The following ACSS3 variants were observed in gnomAD, a reference collection of about 807,000 sequenced individuals.
ACSS3 encodes the protein acyl-CoA synthetase short chain family member 3, also known as acyl-CoA synthetase short-chain family member 3, mitochondrial.
Under a neutral mutation model 84.2 loss-of-function variants are expected in ACSS3, and 64 were observed. The ratio of observed to expected loss-of-function variants is 0.76; its 90% CI spans 0.62 to 0.94. The LOEUF (loss-of-function observed/expected upper bound fraction) is 0.94, where lower values mean the gene tolerates loss of function less well. ACSS3 is among the 40% of genes least tolerant of loss of function. The pLI is 0.00. For missense variants in ACSS3, 815 were observed against 867.6 expected (o/e 0.94, Z 0.76); for synonymous variants, 317 against 310.1 (o/e 1.02, Z -0.23).
rs753676729 is a variant in ACSS3 at position 81,231,044 on chromosome 12, G to C, written c.1515-13G>C. On this transcript the variant is annotated splice_polypyrimidine_tract_variant and intron_variant, in intron 11 of 15. Transcript: ENST00000548058. The stretch of plus-strand genomic sequence containing the variant: ...CTTTCATCATAATTTTAACTTCTCT[G>C]TTTTTATATAAGGTTACCATTGCCA... The C allele has an allele frequency of 1.9e-6, 3 of 1,598,168 alleles. No individual in the cohort carries two copies. Among genetic ancestry groups the C allele is most frequent in the Admixed American group, 3.4e-5 (2 of 58,558 alleles).
intron 7 of ACSS3, among the ~76,000 whole-genome samples, chr12:81,162,364 C>G (rs990620048): frequency 5.9e-5 from 9 of 152,080 alleles, no homozygotes; most frequent in African/African-American, 2.2e-4. Flanking sequence ...TTCCTATTGG[C>G]AGGCAAGTCA....
In ACSS3 at chr12:81,253,497, A is replaced by G; in HGVS notation, c.1822A>G (p.Ile608Val). ...PLALCVLRKD[I>V]NATEEQVLEE... is the part of the protein sequence containing the mutation. ...TACCATCTGAACTTTCTCTCTAGATATAAATGCAACAGAGGAGCAAGTTTT... is the reference window on the plus strand; with the variant it reads ...TACCATCTGAACTTTCTCTCTAGATGTAAATGCAACAGAGGAGCAAGTTTT... The change falls in exon 15 of 16, where the codon ATA becomes GTA. Residue 608 changes from isoleucine to valine, a missense_variant and splice_region_variant. Ile to Val is a conservative substitution (Grantham distance 29). Coordinates refer to ENST00000548058, the MANE Select transcript of ACSS3 (RefSeq NM_024560.4). 1 of 1,613,716 alleles carries G rather than the reference A, an allele frequency of 6.2e-7. No individual in the cohort carries two copies. The highest frequency in any genetic ancestry group is 8.5e-7 in the Non-Finnish European group (1 of 1,179,716).
In ACSS3 at chr12:81,258,240, T is replaced by G. The variant is rs1192495303; in HGVS notation, c.*3318T>G. 2.0e-5 allele frequency: 3 copies of G among 152,152 alleles called. No homozygotes were observed. The South Asian group carries it at 6.2e-4, about 32-fold the overall frequency. The allele number at this position is 152,152 out of a possible 1,614,324, so 9.4% of individuals were successfully genotyped here. ...AGTAAATTGTCGAGCCTTATGTGAC[T>G]AGAAAACAAAGCTTAAACAGAGAAC... On this transcript the variant is annotated 3_prime_UTR_variant, in exon 16 of 16. Coordinates refer to ENST00000548058, the MANE Select transcript of ACSS3 (RefSeq NM_024560.4).
intron 4 of ACSS3, 149 bp downstream of exon 4, chr12:81,139,414 CT>C: frequency 1.1e-6 from 1 of 921,428 alleles, no homozygotes; most frequent in Non-Finnish European, 1.6e-6. Flanking sequence ...ATGAATAAGA[CT>C]TACTGACTTC....
intron 2 of ACSS3, among the ~76,000 whole-genome samples, chr12:81,131,415 T>C (rs1441369862): frequency 6.6e-6 from 1 of 152,172 alleles, no homozygotes; most frequent in Non-Finnish European, 1.5e-5. Context: ...CGCTCATGAT[T>C]TGGCTCTCTG....
intron 7 of ACSS3, among the ~76,000 whole-genome samples, chr12:81,159,283 A>T (rs886272637): frequency 6.6e-6 from 1 of 152,146 alleles, no homozygotes; most frequent in Non-Finnish European, 1.5e-5. Context: ...AAAACACTCA[A>T]ATCAAGAATA....
At position 81,158,080 on chromosome 12, in the gene ACSS3, G is replaced by A. The variant is rs1327032442; in HGVS notation, c.1098+5984G>A. Among the ~76,000 whole-genome samples the A allele has an allele frequency of 3.3e-5, 5 of 152,052 alleles. No homozygotes were observed. In the East Asian group the frequency reaches 7.8e-4, roughly 24 times the overall value. On this transcript the variant is annotated intron_variant, in intron 7 of 15. Coordinates refer to ENST00000548058, the MANE Select transcript of ACSS3 (RefSeq NM_024560.4). Reference sequence around the variant, plus strand: ...CAATGGCCACATATGGCCATAAAGGGCATCACGAAGGATCCTTGTAGAGAT... The same window carrying A: ...CAATGGCCACATATGGCCATAAAGGACATCACGAAGGATCCTTGTAGAGAT...
chr12:81,171,221 T>C (rs2030019462), intron 7 of ACSS3, among the ~76,000 whole-genome samples: 2 of 152,140 alleles, frequency 1.3e-5, no homozygotes, highest in Admixed American at 1.3e-4. Context: ...CTCACTTTAT[T>C]ATTTGTTTGT....
At chr12:81,184,878 C>T (rs1215412775) in intron 8 of ACSS3, among the ~76,000 whole-genome samples, 3 of 151,766 alleles carry the variant, frequency 2.0e-5, no homozygotes, top group East Asian at 1.9e-4. Context: ...CTTCCAGACA[C>T]ATTTTATGGG....
intron 12 of ACSS3, among the ~76,000 whole-genome samples, chr12:81,231,921 G>C (rs2033479481): frequency 1.4e-5 from 2 of 145,470 alleles, no homozygotes; most frequent in South Asian, 4.3e-4. Context: ...TTTTCACTAA[G>C]TAAAATTCTG....
intron 9 of ACSS3, among the ~76,000 whole-genome samples, chr12:81,200,648 G>A (rs2032055410): frequency 1.3e-5 from 2 of 151,904 alleles, no homozygotes; most frequent in South Asian, 4.1e-4. Context: ...CCTGCACTTT[G>A]GGAAGCAAAA....
At chr12:81,228,517 A>G (rs1049349099) in intron 11 of ACSS3, among the ~76,000 whole-genome samples, 1 of 151,872 alleles carries the variant, frequency 6.6e-6, no homozygotes, top group Non-Finnish European at 1.5e-5. Context: ...TCAATTAATT[A>G]TAAGAATATA....
intron 7 of ACSS3, 89 bp downstream of exon 7, chr12:81,152,185 T>C (rs986459799): frequency 9.5e-7 from 1 of 1,058,130 alleles, no homozygotes; most frequent in African/African-American, 1.6e-5. Flanking sequence ...TCAGAAAAAT[T>C]GGGGTGGGGA....
chr12:81,147,445 A>G (rs1593126934), intron 5 of ACSS3, among the ~76,000 whole-genome samples: 1 of 152,198 alleles, frequency 6.6e-6, no homozygotes, highest in East Asian at 1.9e-4. Flanking sequence ...TGTTGTCCTC[A>G]CTGTGCTCAA....
chr12:81,095,846 G>A lies in ACSS3; in HGVS notation c.312-13714G>A, dbSNP rs182115756. ...CTGAGTATACATACTCATGTAGGAA[G>A]GATCGGTGGGACTAAGGAATGCCTC... On this transcript the variant is annotated intron_variant, in intron 1 of 15. Coordinates refer to ENST00000548058, the MANE Select transcript of ACSS3 (RefSeq NM_024560.4). Among the ~76,000 whole-genome samples the A allele has an allele frequency of 4.6e-5, 7 of 152,280 alleles. No homozygotes were observed. In the East Asian group the frequency reaches 1.3e-3, roughly 29 times the overall value.
intron 13 of ACSS3, among the ~76,000 whole-genome samples, chr12:81,251,239 G>A (rs777692842): frequency 1.3e-5 from 2 of 152,158 alleles, no homozygotes; most frequent in Non-Finnish European, 2.9e-5. Context: ...AGGGATGAAT[G>A]AGCAGAGCAC....
Position 81,152,049 on chromosome 12 carries a change from A to G in ACSS3, c.1051A>G (p.Ile351Val). The change falls in exon 7 of 16, where the codon ATC becomes GTC. Residue 351 changes from isoleucine (I) to valine (V), a missense_variant. Physicochemically the swap from Ile to Val is conservative, Grantham distance 29. Coordinates refer to ENST00000548058, the MANE Select transcript of ACSS3 (RefSeq NM_024560.4). ...DLGWVVGHSY[I>V]CYGPLLHGNT... ...AGGCTGGGTTGTTGGACATTCCTAT[A>G]TCTGCTATGGACCTCTTCTTCATGG... 6.2e-7 allele frequency: 1 copy of G among 1,613,580 alleles called. No homozygotes were observed.
At chr12:81,217,875 AC>A (rs1333882360) in intron 10 of ACSS3, among the ~76,000 whole-genome samples, 1 of 152,042 alleles carries the variant, frequency 6.6e-6, no homozygotes, top group Admixed American at 6.6e-5. Flanking sequence ...AAAAATAAAA[AC>A]AAAGGGGGAG....
At chr12:81,172,584 C>T (rs2030154874) in intron 7 of ACSS3, among the ~76,000 whole-genome samples, 1 of 151,986 alleles carries the variant, frequency 6.6e-6, no homozygotes, top group Non-Finnish European at 1.5e-5. Flanking sequence ...TGTAGTAAGC[C>T]AAGATTGCAC....
Sources: allele counts gnomAD v4.1 joint callset (sites outside exome capture counted in the v4.1 genomes callset), GRCh38; gene constraint gnomAD v4.1.1; transcripts MANE v1.5; gene names NCBI Gene and HGNC (gene_info 2026-07-23, HGNC 2026-07-21).